Variants in GRAMD4 observed in about 807,000 individuals in gnomAD.
GRAMD4 encodes GRAM domain-containing protein 4.
A neutral mutation model predicts 83.9 loss-of-function variants in GRAMD4; 25 were observed. The observed-to-expected ratio is 0.30, with a 90% CI of 0.22 to 0.42. The LOEUF (loss-of-function observed/expected upper bound fraction) is 0.42, where lower values mean the gene tolerates loss of function less well. Among genes scored for constraint, GRAMD4 ranks in the 10% least tolerant of loss-of-function variants. The pLI, the probability that GRAMD4 is intolerant of heterozygous loss-of-function variation, is 1.00. For synonymous variants in GRAMD4, 336 were observed against 320.9 expected (o/e 1.05, Z -0.50); for missense variants, 593 against 788.7 (o/e 0.75, Z 2.97).
At chr22:46,645,169 A>C (rs550951902) in intron 3 of GRAMD4, among the ~76,000 whole-genome samples, 12 of 151,868 alleles carry the variant, frequency 7.9e-5, no homozygotes, top group African/African-American at 2.9e-4. Context: ...TTTATACCCC[A>C]AGCATGATGT....
At chr22:46,644,804 C>T (rs2082048961) in intron 3 of GRAMD4, among the ~76,000 whole-genome samples, 1 of 146,666 alleles carries the variant, frequency 6.8e-6, no homozygotes, top group Admixed American at 6.9e-5. Flanking sequence ...ACAATCCTGG[C>T]TCACTGCAGC....
intron 1 of GRAMD4, among the ~76,000 whole-genome samples, chr22:46,595,554 G>GC (rs1297261536): frequency 3.3e-5 from 5 of 152,184 alleles, no homozygotes; most frequent in African/African-American, 1.2e-4. Context: ...AAAAACAGGC[G>GC]CCCCTCAAGG....
At chr22:46,664,941 C>T (rs1234602552) in intron 8 of GRAMD4, among the ~76,000 whole-genome samples, 1 of 152,252 alleles carries the variant, frequency 6.6e-6, no homozygotes, top group Non-Finnish European at 1.5e-5. Context: ...TACCACTCAC[C>T]TGGGACATGG....
chr22:46,663,656 G>A (rs2082364592), intron 6 of GRAMD4, among the ~76,000 whole-genome samples, 182 bp from the exon 7 acceptor site: 1 of 152,196 alleles, frequency 6.6e-6, no homozygotes, highest in Non-Finnish European at 1.5e-5. Flanking sequence ...GGCACTGAGG[G>A]CCATCCCGGC....
At chr22:46,616,108 A>G (rs1399152032), upstream of GRAMD4, among the ~76,000 whole-genome samples, 5 of 121,398 alleles carry the variant, frequency 4.1e-5, no homozygotes, top group African/African-American at 9.8e-5. Context: ...CCCCTTGTGT[A>G]GGTTCCCCTG....
intron 3 of GRAMD4, among the ~76,000 whole-genome samples, chr22:46,640,367 G>A (rs2081957697): frequency 6.6e-6 from 1 of 152,166 alleles, no homozygotes; most frequent in Non-Finnish European, 1.5e-5. Context: ...GGGGTGGAGG[G>A]ATGGAGGGAC....
At chr22:46,586,215 C>T (rs1253019607) in intron 1 of GRAMD4, among the ~76,000 whole-genome samples, 1 of 152,260 alleles carries the variant, frequency 6.6e-6, no homozygotes, top group South Asian at 2.1e-4. Context: ...ATGCCCTTAC[C>T]TGGGGCCAGC....
chr22:46,637,853 C>A lies in GRAMD4; in HGVS notation c.176C>A (p.Thr59Asn), dbSNP rs778479518. Reference sequence around the variant, plus strand: ...TTTTTCTTCTAGGCTGGTCCAGGGACCCTCATCATGGCCACAGGAGTCCAG... The same window carrying A: ...TTTTTCTTCTAGGCTGGTCCAGGGAACCTCATCATGGCCACAGGAGTCCAG... ...EELRDPAGPG[T>N]LIMATGVQDF... is the part of the protein sequence containing the mutation. Residue 59 changes from threonine to asparagine, a missense_variant, in exon 3 of 19, where the codon ACC becomes AAC. By Grantham distance (65) the Thr-to-Asn change is moderately conservative. This residue lies in a region of GRAMD4 where 312 missense variants were observed against 350.7 expected (regional missense o/e 0.89). Transcript: ENST00000406902. 1 of 1,612,304 alleles carries A rather than the reference C, an allele frequency of 6.2e-7. No individual in the cohort carries two copies. The highest frequency in any genetic ancestry group is 8.5e-7 in the Non-Finnish European group (1 of 1,178,318).
rs945404078 is a variant in GRAMD4 at position 46,659,693 on chromosome 22, T to G, written c.404+1386T>G. 6.6e-6 allele frequency among the ~76,000 whole-genome samples: 1 copy of G among 151,794 alleles called. No homozygotes were observed. Among genetic ancestry groups the G allele is most frequent in the Non-Finnish European group, 1.5e-5 (1 of 67,924 alleles). On this transcript the variant is annotated intron_variant, in intron 4 of 18. Coordinates refer to ENST00000406902, the MANE Select transcript of GRAMD4 (RefSeq NM_015124.5). This position sits in a 1 kb window ranked among gnomAD's most constrained non-coding sequence, Gnocchi z 4.1. ...CCGCCTCCTGCAGGTCAGCATGACC[T>G]TGTGGAGTGCCCTGGGGGGCTCATG...
At chr22:46,664,001 C>T (rs373295515) in intron 7 of GRAMD4, 25 bp from the exon 8 acceptor site, 60 of 1,583,856 alleles carry the variant, frequency 3.8e-5, no homozygotes, top group Non-Finnish European at 5.2e-5. Flanking sequence ...ACAGTGCTGA[C>T]CACTGTGGTC....
chr22:46,637,120 G>C (rs138471), intron 2 of GRAMD4, among the ~76,000 whole-genome samples: 112,856 of 152,144 alleles, frequency 0.74, 43,043 homozygotes, highest in East Asian at 0.98. Context: ...AGCCTCCACT[G>C]AGGTGTGAGG....
At position 46,679,751 on chromosome 22, in the gene GRAMD4, T is replaced by A; in HGVS notation, c.*2500T>A. ...GAAAAAGTATTGTATAAATTATAATTTTTATTTAAATAAACCTAAAATGCT... is the reference window on the plus strand; with the variant it reads ...GAAAAAGTATTGTATAAATTATAATATTTATTTAAATAAACCTAAAATGCT... On this transcript the variant is annotated 3_prime_UTR_variant, in exon 19 of 19. Coordinates refer to ENST00000406902, the MANE Select transcript of GRAMD4 (RefSeq NM_015124.5). The A allele has an allele frequency of 1.0e-6, 1 of 976,222 alleles. No individual in the cohort carries two copies. Among genetic ancestry groups the A allele is most frequent in the Non-Finnish European group, 1.2e-6 (1 of 821,328 alleles). 60.5% of individuals were successfully genotyped at this position (976,222 alleles called of 1,614,324 possible).
rs2081784394 is a variant in GRAMD4, at chr22:46,632,175, G to T, written c.162+5214G>T. ...GGGAGGGGAAGGTTGGAGGGGCCCT[G>T]GGTGGGCTTGAGGGGCCCACGAGGC... On this transcript the variant is annotated intron_variant, in intron 2 of 18. Transcript: ENST00000406902. 2.0e-5 allele frequency among the ~76,000 whole-genome samples: 3 copies of T among 152,208 alleles called. No homozygotes were observed. In the South Asian group the frequency reaches 6.2e-4, roughly 31 times the overall value.
At chr22:46,591,439 G>A (rs2147007184) in intron 1 of GRAMD4, among the ~76,000 whole-genome samples, 1 of 152,190 alleles carries the variant, frequency 6.6e-6, no homozygotes, top group Non-Finnish European at 1.5e-5. Flanking sequence ...GGGGTTTGTT[G>A]TTTTGGACAG....
chr22:46,613,300 G>A (rs2081435857), intron 1 of GRAMD4, among the ~76,000 whole-genome samples: 1 of 152,222 alleles, frequency 6.6e-6, no homozygotes, highest in South Asian at 2.1e-4. Flanking sequence ...TCCGGCTGCC[G>A]CGACCCACTG....
intron 13 of GRAMD4, among the ~76,000 whole-genome samples, chr22:46,669,401 G>A (rs890041736): frequency 2.8e-4 from 43 of 152,130 alleles, no homozygotes; most frequent in Admixed American, 2.7e-3. Context: ...GGTGGCTGGC[G>A]GTGAGGACCG....
At chr22:46,650,351 A>C (rs895760661) in intron 3 of GRAMD4, among the ~76,000 whole-genome samples, 1 of 148,550 alleles carries the variant, frequency 6.7e-6, no homozygotes, top group African/African-American at 2.5e-5. Context: ...GGCTGGGTGG[A>C]GGGCTGCGTG....
intron 1 of GRAMD4, among the ~76,000 whole-genome samples, chr22:46,610,586 T>C (rs1204892257): frequency 4.6e-5 from 7 of 152,198 alleles, no homozygotes; most frequent in Admixed American, 4.6e-4. Context: ...CTTCGCGATA[T>C]TGCAGTCTTT....
At chr22:46,588,058 C>A in intron 1 of GRAMD4, 1 of 598,136 alleles carries the variant, frequency 1.7e-6, no homozygotes. Flanking sequence ...GAGAGAGACT[C>A]TGGGACAGCC....
Sources: gnomAD v4.1 joint callset for allele counts (sites outside exome capture counted in the v4.1 genomes callset) on GRCh38, gnomAD v4.1.1 for gene constraint, gnomAD v4.1.1 regional missense constraint, Gnocchi (gnomAD v3.1) non-coding constraint, MANE v1.5 for transcripts, NCBI Gene and HGNC (gene_info 2026-07-23, HGNC 2026-07-21) for gene names.